Variants in JAKMIP1 observed in about 807,000 individuals in gnomAD.
JAKMIP1 encodes the protein janus kinase and microtubule interacting protein 1.
Under a neutral mutation model 113.0 loss-of-function variants are expected in JAKMIP1, and 33 were observed. That is an observed-to-expected ratio of 0.29 (90% CI 0.22 to 0.39). The LOEUF (loss-of-function observed/expected upper bound fraction) is 0.39, where lower values mean the gene tolerates loss of function less well. Ranked by LOEUF, JAKMIP1 falls within the 10% of genes least tolerant of loss-of-function variation. JAKMIP1 has a pLI of 1.00. For missense variants in JAKMIP1, 813 were observed against 1,080.5 expected, an observed-to-expected ratio of 0.75 and a Z score of 3.47; for synonymous variants, 480 against 459.9, an observed-to-expected ratio of 1.04 and a Z score of -0.56.
In JAKMIP1 at chr4:6,094,448, G is replaced by C. The variant is rs1722528726; in HGVS notation, c.625-8819C>G. On this transcript the variant is annotated intron_variant, in intron 3 of 20. Coordinates refer to ENST00000409021, the MANE Select transcript of JAKMIP1 (RefSeq NM_001099433.2). This position sits in a 1 kb window ranked among gnomAD's most constrained non-coding sequence, Gnocchi z 4.2. ...TAAGAAAACAGCCTGGCCCCAGTGA[G>C]AGGGCTTGGCAGACAGGCATGGGAG... Among the ~76,000 whole-genome samples, 1 of 152,180 alleles carries C rather than the reference G, an allele frequency of 6.6e-6. No individual in the cohort carries two copies. Among genetic ancestry groups the C allele is most frequent in the African/African-American group, 2.4e-5 (1 of 41,454 alleles).
In JAKMIP1 at chr4:6,116,682, G is replaced by A. The variant is rs889150431; in HGVS notation, c.-147-3685C>T. 5.3e-5 allele frequency among the ~76,000 whole-genome samples: 8 copies of A among 151,998 alleles called. No homozygotes were observed. Among genetic ancestry groups the A allele is most frequent in the Non-Finnish European group, 1.0e-4 (7 of 68,046 alleles). ...GTTTGTCTGTGCCTTGGCAGTGCCG[G>A]TGCCCTTTAACTGCCTACAGGAAAT... On this transcript the variant is annotated intron_variant, in intron 1 of 20. Transcript: ENST00000409021. This position sits in a 1 kb window ranked among gnomAD's most constrained non-coding sequence, Gnocchi z 5.1.
In JAKMIP1 at chr4:6,162,885, G is replaced by C. The variant is rs1039139307; in HGVS notation, c.-148+37368C>G. 4.6e-5 allele frequency among the ~76,000 whole-genome samples: 7 copies of C among 152,172 alleles called. No homozygotes were observed. Among genetic ancestry groups the C allele is most frequent in the African/African-American group, 1.7e-4 (7 of 41,432 alleles). ...CCACTCCCTCCCATCACCAAAGAAA[G>C]CACATCTGTACTAGCCTGCGAGCAG... On this transcript the variant is annotated intron_variant, in intron 1 of 20. Transcript: ENST00000409021. The surrounding 1 kb of genome is among the most constrained non-coding windows in gnomAD (Gnocchi z 5.6).
chr4:6,071,796 C>T (rs1397451568), intron 8 of JAKMIP1, among the ~76,000 whole-genome samples: 6 of 152,170 alleles, frequency 3.9e-5, no homozygotes, highest in South Asian at 2.1e-4. Flanking sequence ...ACACAGCCCC[C>T]GTCTCTTCAT....
Position 6,139,276 on chromosome 4 carries a change from T to C in JAKMIP1, c.-147-26279A>G, listed in dbSNP as rs771519696. 1.1e-4 allele frequency among the ~76,000 whole-genome samples: 17 copies of C among 152,162 alleles called. No individual in the cohort carries two copies. The highest frequency in any genetic ancestry group is 2.5e-4 in the Non-Finnish European group (17 of 68,038). Reference sequence around the variant, plus strand: ...TGAGAACCATAGCATCAGAAGAGCATTTCAAGGACATTGAAAAGTATTCTT... The same window carrying C: ...TGAGAACCATAGCATCAGAAGAGCACTTCAAGGACATTGAAAAGTATTCTT... On this transcript the variant is annotated intron_variant, in intron 1 of 20. Coordinates refer to ENST00000409021, the MANE Select transcript of JAKMIP1 (RefSeq NM_001099433.2). The surrounding 1 kb of genome is among the most constrained non-coding windows in gnomAD (Gnocchi z 5.2).
At chr4:6,113,455 C>T (rs1366082448) in intron 1 of JAKMIP1, among the ~76,000 whole-genome samples, 1 of 152,182 alleles carries the variant, frequency 6.6e-6, no homozygotes, top group East Asian at 1.9e-4. Flanking sequence ...ATCCACAATC[C>T]CAGCAATTCT....
In JAKMIP1 at chr4:6,199,970, G is replaced by A. The variant is rs1367513305; in HGVS notation, c.-148+283C>T. 2.0e-5 allele frequency among the ~76,000 whole-genome samples: 3 copies of A among 150,692 alleles called. No individual in the cohort carries two copies. The highest frequency in any genetic ancestry group is 4.4e-5 in the Non-Finnish European group (3 of 67,490). ...TGGGGGCTGGGGGCGGGACCGGGAGGGGGTGTTGGGGGAAGCGACGCAGCG... is the reference window on the plus strand; with the variant it reads ...TGGGGGCTGGGGGCGGGACCGGGAGAGGGTGTTGGGGGAAGCGACGCAGCG... On this transcript the variant is annotated intron_variant, in intron 1 of 20. Transcript: ENST00000409021. The surrounding 1 kb of genome is among the most constrained non-coding windows in gnomAD (Gnocchi z 5.6).
rs1266340695 is a variant in JAKMIP1, at chr4:6,150,424, A to G, written c.-147-37427T>C. 1.3e-5 allele frequency: 2 copies of G among 152,210 alleles called. No individual in the cohort carries two copies. The highest frequency in any genetic ancestry group is 2.9e-5 in the Non-Finnish European group (2 of 68,080). 9.4% of individuals were successfully genotyped at this position (152,210 alleles called of 1,614,324 possible). A position where few individuals can be genotyped will look rare whatever the true frequency, so the allele number is the denominator to read the frequency against. On this transcript the variant is annotated intron_variant, in intron 1 of 20. Transcript: ENST00000409021. The surrounding 1 kb of genome is among the most constrained non-coding windows in gnomAD (Gnocchi z 4.8). ...TTACTGTGCAGCGGGCTTCTCAAGG[A>G]CAGTGTCCACGGTTCATCCACCTCT...
chr4:6,027,916 T>A (rs1291002898), intron 20 of JAKMIP1, among the ~76,000 whole-genome samples: 1 of 152,228 alleles, frequency 6.6e-6, no homozygotes, highest in Non-Finnish European at 1.5e-5. Flanking sequence ...CCAACACAAG[T>A]GGTAGAGCTA....
At chr4:6,082,846 G>A (rs1720783437) in intron 5 of JAKMIP1, among the ~76,000 whole-genome samples, 1 of 152,150 alleles carries the variant, frequency 6.6e-6, no homozygotes, top group African/African-American at 2.4e-5. Context: ...GGGAAGAGAG[G>A]TGAACAGACC....
intron 1 of JAKMIP1, among the ~76,000 whole-genome samples, chr4:6,198,526 T>C (rs983871095): frequency 3.9e-5 from 6 of 152,092 alleles, no homozygotes; most frequent in African/African-American, 1.4e-4. Flanking sequence ...TCTCATGCAT[T>C]GGGTCCACAC....
In JAKMIP1 at chr4:6,158,810, C is replaced by A. The variant is rs1334066411; in HGVS notation, c.-148+41443G>T. Among the ~76,000 whole-genome samples, 1 of 152,080 alleles carries A rather than the reference C, an allele frequency of 6.6e-6. No homozygotes were observed. Among genetic ancestry groups the A allele is most frequent in the East Asian group, 1.9e-4 (1 of 5,198 alleles). On this transcript the variant is annotated intron_variant, in intron 1 of 20. Coordinates refer to ENST00000409021, the MANE Select transcript of JAKMIP1 (RefSeq NM_001099433.2). This position sits in a 1 kb window ranked among gnomAD's most constrained non-coding sequence, Gnocchi z 5.3. ...CAGGAATTTAAAACACATACTGGGC[C>A]GGGCGTGGTGACTCACACCTGTAAT...
Position 6,139,102 on chromosome 4 carries a change from A to ACC in JAKMIP1, c.-147-26106_-147-26105insGG, listed in dbSNP as rs1414833873. Among the ~76,000 whole-genome samples the ACC allele has an allele frequency of 1.3e-4, 19 of 150,826 alleles. No individual in the cohort carries two copies. The highest frequency in any genetic ancestry group is 1.9e-4 in the East Asian group (1 of 5,136). Reference sequence around the variant, plus strand: ...CACACACATATACACACACACACACACACCAGCAGGTCAGCCCTGCTCTCC... The same window carrying ACC: ...CACACACATATACACACACACACACACCCACCAGCAGGTCAGCCCTGCTCTCC... On this transcript the variant is annotated intron_variant, in intron 1 of 20. Coordinates refer to ENST00000409021, the MANE Select transcript of JAKMIP1 (RefSeq NM_001099433.2). The surrounding 1 kb of genome is among the most constrained non-coding windows in gnomAD (Gnocchi z 5.2).
At chr4:6,109,378 C>A (rs1038269907) in intron 2 of JAKMIP1, among the ~76,000 whole-genome samples, 1 of 151,900 alleles carries the variant, frequency 6.6e-6, no homozygotes, top group Non-Finnish European at 1.5e-5. Context: ...CATTATCCGC[C>A]CGCCTTGGCC....
intron 3 of JAKMIP1, among the ~76,000 whole-genome samples, chr4:6,098,761 AG>A (rs1345162767): frequency 5.3e-5 from 8 of 151,434 alleles, no homozygotes; most frequent in Admixed American, 2.0e-4. Flanking sequence ...GGAAAGAAAG[AG>A]AAAGAAAAGA....
intron 3 of JAKMIP1, among the ~76,000 whole-genome samples, chr4:6,087,112 C>T (rs992791841): frequency 1.1e-4 from 16 of 152,350 alleles, no homozygotes; most frequent in African/African-American, 3.4e-4. Context: ...AGCTCACTCA[C>T]GTAGCAAGTT....
intron 16 of JAKMIP1, among the ~76,000 whole-genome samples, chr4:6,047,065 A>T (rs1715092811): frequency 1.3e-5 from 2 of 152,178 alleles, no homozygotes; most frequent in African/African-American, 2.4e-5. Context: ...TCCCACTGAA[A>T]TATGCAGCCT....
At chr4:6,170,692 C>G (rs986101119) in intron 1 of JAKMIP1, among the ~76,000 whole-genome samples, 4 of 150,070 alleles carry the variant, frequency 2.7e-5, no homozygotes, top group Non-Finnish European at 4.5e-5. Context: ...CACTGTCACC[C>G]TCCTTAACAC....
rs1048613413 is a variant in JAKMIP1 at position 6,086,920 on chromosome 4, G to A, written c.625-1291C>T. ...CAGCCAGCAACACCAGCATCAGGAAGAGGCTGGGAAAGATCCTCTTCCACA... is the reference window on the plus strand; with the variant it reads ...CAGCCAGCAACACCAGCATCAGGAAAAGGCTGGGAAAGATCCTCTTCCACA... On this transcript the variant is annotated intron_variant, in intron 3 of 20. Transcript: ENST00000409021. This position sits in a 1 kb window ranked among gnomAD's most constrained non-coding sequence, Gnocchi z 4.1. 6.6e-6 allele frequency among the ~76,000 whole-genome samples: 1 copy of A among 152,144 alleles called. No individual in the cohort carries two copies. The highest frequency in any genetic ancestry group is 1.5e-5 in the Non-Finnish European group (1 of 68,026).
chr4:6,095,958 A>G (rs939664523), intron 3 of JAKMIP1, among the ~76,000 whole-genome samples: 20 of 152,362 alleles, frequency 1.3e-4, no homozygotes, highest in African/African-American at 4.8e-4. Context: ...CAAGGATGGG[A>G]AAAGGTGGCA....
Sources: allele counts gnomAD v4.1 joint callset (sites outside exome capture counted in the v4.1 genomes callset), GRCh38; gene constraint gnomAD v4.1.1; non-coding constraint Gnocchi (gnomAD v3.1); transcripts MANE v1.5; gene names NCBI Gene and HGNC (gene_info 2026-07-23, HGNC 2026-07-21).